Variants in CCDC57 observed in about 807,000 individuals in gnomAD.
CCDC57 encodes the protein coiled-coil domain-containing protein 57.
In CCDC57, 118 loss-of-function variants were observed where a neutral mutation model predicts 118.9. The observed-to-expected ratio is 0.99, with a 90% CI of 0.86 to 1.16. The LOEUF is 1.16. Among genes scored for constraint, CCDC57 ranks in the 50% most tolerant of loss-of-function variants. CCDC57 has a pLI of 0.00. For missense variants in CCDC57, 1,300 were observed against 1,320.7 expected, an observed-to-expected ratio of 0.98 and a Z score of 0.24; for synonymous variants, 527 against 532.9, an observed-to-expected ratio of 0.99 and a Z score of 0.15.
chr17:82,148,594 A>G (rs543374397), intron 16 of CCDC57, among the ~76,000 whole-genome samples: 3 of 45,566 alleles, frequency 6.6e-5, no homozygotes, highest in African/African-American at 8.6e-5. Flanking sequence ...GGTGGATGGT[A>G]GATGGATAGA....
chr17:82,147,215 T>C (rs954502659), intron 16 of CCDC57, among the ~76,000 whole-genome samples: 23 of 142,838 alleles, frequency 1.6e-4, no homozygotes, highest in African/African-American at 6.0e-4. Context: ...GGTGGGTGCA[T>C]GGGTAGGTGG....
chr17:82,171,344 C>G (rs1189065257), intron 13 of CCDC57, among the ~76,000 whole-genome samples: 1 of 145,008 alleles, frequency 6.9e-6, no homozygotes, highest in South Asian at 2.2e-4. Context: ...TCCATTCACA[C>G]CAAAACAGGG....
intron 18 of CCDC57, 63 bp downstream of exon 17, chr17:82,128,430 C>A (rs2037806442): frequency 2.5e-6 from 3 of 1,197,570 alleles, no homozygotes; most frequent in Non-Finnish European, 3.5e-6. Context: ...AGCACCCAGG[C>A]CCCGGCTTCC....
At chr17:82,205,000 G>A (rs923137610) in intron 2 of CCDC57, among the ~76,000 whole-genome samples, 3 of 152,184 alleles carry the variant, frequency 2.0e-5, no homozygotes, top group Admixed American at 6.5e-5. Flanking sequence ...TCCATCTCAC[G>A]TTGGCACAAC....
Position 82,158,079 on chromosome 17 carries a change from A to G in CCDC57, c.2041-131T>C, listed in dbSNP as rs973480201. 3 of 1,444,852 alleles carry G rather than the reference A, an allele frequency of 2.1e-6. No homozygotes were observed. The African/African-American group carries it at 4.3e-5, about 21-fold the overall frequency. 89.5% of individuals were successfully genotyped at this position (1,444,852 alleles called of 1,614,324 possible). The stretch of plus-strand genomic sequence containing the variant: ...AGCCCGGGGTCAGGGCCTCCTCCCC[A>G]GCTGGATGCAACTGCCCTCAGCCCT... On this transcript the variant is annotated intron_variant, in intron 14 of 19. Transcript: ENST00000665763.
rs1243652912 is a variant in CCDC57, at chr17:82,179,772, C to A, written c.1212-583G>T. Among the ~76,000 whole-genome samples, 3 of 152,202 alleles carry A rather than the reference C, an allele frequency of 2.0e-5. No individual in the cohort carries two copies. In the East Asian group the frequency reaches 5.8e-4, roughly 29 times the overall value. On this transcript the variant is annotated intron_variant, in intron 9 of 19. Transcript: ENST00000665763. ...CCAAGGATGTAAAGGGGCAGGTCCACCAGGACAGAGCAAACGCCAGCCTTC... is the reference window on the plus strand; with the variant it reads ...CCAAGGATGTAAAGGGGCAGGTCCAACAGGACAGAGCAAACGCCAGCCTTC...
intron 19 of CCDC57, among the ~76,000 whole-genome samples, chr17:82,120,503 G>A (rs937143261): frequency 2.6e-5 from 4 of 152,190 alleles, no homozygotes; most frequent in African/African-American, 4.8e-5. Context: ...CCAGAAACCC[G>A]GTGCCCTTAA....
At chr17:82,203,960 C>A (rs1008914088) in intron 2 of CCDC57, among the ~76,000 whole-genome samples, 2 of 152,170 alleles carry the variant, frequency 1.3e-5, no homozygotes, top group African/African-American at 4.8e-5. Context: ...TACAAGGGCA[C>A]AGCCAGGCTG....
chr17:82,196,398 G>T (rs2048303910), intron 4 of CCDC57, among the ~76,000 whole-genome samples: 1 of 152,190 alleles, frequency 6.6e-6, no homozygotes, highest in African/African-American at 2.4e-5. Flanking sequence ...TCCTCTGCAG[G>T]CCATTTCAGA....
intron 19 of CCDC57, among the ~76,000 whole-genome samples, chr17:82,121,323 A>G (rs376584801): frequency 1.9e-4 from 29 of 152,350 alleles, no homozygotes; most frequent in African/African-American, 6.7e-4. Flanking sequence ...CCACCTGCTG[A>G]GGCCCCCAGT....
rs533389213 is a variant in CCDC57 at position 82,128,413 on chromosome 17, G to C, written c.2682+80C>G. 1.7e-5 allele frequency: 16 copies of C among 949,962 alleles called. No homozygotes were observed. The African/African-American group carries it at 2.3e-4, about 14-fold the overall frequency. The allele number at this position is 949,962 out of a possible 1,614,324, so 58.8% of individuals were successfully genotyped here. ...ATGCAGAGCGAAGGCCCCTCCGAGA[G>C]GCCCAGAGCACCCAGGCCCCGGCTT... On this transcript the variant is annotated intron_variant, in intron 18 of 19. Transcript: ENST00000665763.
chr17:82,198,265 T>C lies in CCDC57; in HGVS notation c.516+49A>G, dbSNP rs556391383. On this transcript the variant is annotated intron_variant, in intron 4 of 19. Transcript: ENST00000665763. ...GCCCTATATGATTTCAGTTTCACAG[T>C]GGGCAGGCAGGGAAAGCACCCAGGA... 17 of 1,092,530 alleles carry C rather than the reference T, an allele frequency of 1.6e-5. No homozygotes were observed. The East Asian group carries it at 4.0e-4, about 26-fold the overall frequency. 67.7% of individuals were successfully genotyped at this position (1,092,530 alleles called of 1,614,324 possible).
At position 82,127,772 on chromosome 17, in the gene CCDC57, C is replaced by G. The variant is rs78509330; in HGVS notation, c.2819G>C (p.Gly940Ala). The G allele has an allele frequency of 9.3e-3, 14,929 of 1,612,850 alleles. 101 individuals carry two copies. Among genetic ancestry groups the G allele is most frequent in the Middle Eastern group, 0.012 (70 of 6,052 alleles). ...CAACCTCCACATGTCCTGGAGGGTGCCACTGGCAAAGGAGGAGGAGCTGTG... is the reference window on the plus strand; with the variant it reads ...CAACCTCCACATGTCCTGGAGGGTGGCACTGGCAAAGGAGGAGGAGCTGTG... The change falls in exon 19 of 20, where the codon GGC (glycine) becomes GCC (alanine). Residue 940 changes from glycine (G) to alanine (A), a missense_variant. Gly to Ala is a moderately conservative substitution (Grantham distance 60). Coordinates refer to ENST00000665763, the Ensembl canonical transcript of CCDC57.
At chr17:82,201,667 C>T in exon 3 of CCDC57, 1 of 1,613,388 alleles carries the variant, frequency 6.2e-7, no homozygotes, top group Non-Finnish European at 8.5e-7. Context: ...CTTGAGCTCG[C>T]TCACCTCTGC....
chr17:82,134,155 G>A, exon 17 of CCDC57: 2 of 1,367,366 alleles, frequency 1.5e-6, no homozygotes, highest in South Asian at 1.9e-5. Context: ...TGGCTTCCGG[G>A]CCTCAGGGGC....
intron 19 of CCDC57, among the ~76,000 whole-genome samples, chr17:82,125,256 G>C (rs1406122248): frequency 6.6e-6 from 1 of 152,140 alleles, no homozygotes; most frequent in Non-Finnish European, 1.5e-5. Flanking sequence ...ATACAAAAAA[G>C]GCCGGGCATG....
intron 19 of CCDC57, chr17:82,126,926 C>T: frequency 1.0e-6 from 1 of 985,392 alleles, no homozygotes; most frequent in Non-Finnish European, 1.2e-6. Context: ...TGCAGGCACA[C>T]AGGAAGGACG....
intron 19 of CCDC57, among the ~76,000 whole-genome samples, chr17:82,123,291 C>T (rs62080005): frequency 4.4e-5 from 5 of 113,264 alleles, no homozygotes; most frequent in Admixed American, 2.3e-4. Context: ...GTGTGCCCGG[C>T]CCTTTTTTTT....
intron 16 of CCDC57, among the ~76,000 whole-genome samples, chr17:82,136,590 A>AG (rs1248599268): frequency 1.6e-5 from 2 of 123,882 alleles, no homozygotes; most frequent in African/African-American, 5.8e-5. Context: ...CAAAAAAAAA[A>AG]AAAAAAAAAG....
Sources: gnomAD v4.1 joint callset for allele counts (sites outside exome capture counted in the v4.1 genomes callset) on GRCh38, gnomAD v4.1.1 for gene constraint, MANE v1.5 for transcripts, NCBI Gene and HGNC (gene_info 2026-07-23, HGNC 2026-07-21) for gene names.